The following LAMA2 variants were observed in gnomAD, a reference collection of about 807,000 sequenced individuals.
The protein encoded by LAMA2 is laminin subunit alpha-2.
LAMA2 carries 269 observed loss-of-function variants against 364.8 expected under a neutral mutation model. The observed-to-expected ratio is 0.74, with a 90% confidence interval of 0.67 to 0.82. The LOEUF is 0.82. Ranked by LOEUF, LAMA2 falls within the 40% of genes least tolerant of loss-of-function variation. The pLI is 0.00. For synonymous variants in LAMA2, 1,379 were observed against 1,370.6 expected (o/e 1.01, Z -0.14); for missense variants, 3,807 against 3,873.2 (o/e 0.98, Z 0.45).
chr6:129,325,709 T>G (rs558973823), intron 28 of LAMA2, among the ~76,000 whole-genome samples: 23 of 152,300 alleles, frequency 1.5e-4, no homozygotes, highest in Middle Eastern at 3.4e-3. Context: ...TGAGTTAACC[T>G]ACTCATTTGT....
At chr6:129,310,695 C>G (rs370724881) in intron 22 of LAMA2, among the ~76,000 whole-genome samples, 26 of 151,976 alleles carry the variant, frequency 1.7e-4, no homozygotes, top group African/African-American at 6.0e-4. Context: ...TAAGGTGTCC[C>G]GAGTACAGGT....
At chr6:129,328,137 C>T (rs1044504548) in intron 28 of LAMA2, 141 bp from the exon 29 acceptor site, 15 of 758,532 alleles carry the variant, frequency 2.0e-5, no homozygotes, top group African/African-American at 1.5e-4. Flanking sequence ...GTATCAAAAT[C>T]GGCACTTGCG....
intron 4 of LAMA2, among the ~76,000 whole-genome samples, chr6:129,140,329 A>G (rs1778051847): frequency 6.6e-6 from 1 of 152,126 alleles, no homozygotes; most frequent in South Asian, 2.1e-4. Flanking sequence ...GGTTATAAAA[A>G]GAGATGTTTC....
At position 129,049,905 on chromosome 6, in the gene LAMA2, C is replaced by A. The variant is rs766929961; in HGVS notation, c.113-13C>A. 6.2e-7 allele frequency: 1 copy of A among 1,611,636 alleles called. No homozygotes were observed. The highest frequency in any genetic ancestry group is 1.7e-5 in the Admixed American group (1 of 60,000). On this transcript the variant is annotated splice_polypyrimidine_tract_variant and intron_variant, in intron 1 of 64. Transcript: ENST00000421865. ...TTCTGGTCTACACACCTTCATTTGT[C>A]CATCTTTTTCAGGTTTATTCCCTGC...
intron 1 of LAMA2, among the ~76,000 whole-genome samples, chr6:129,027,032 G>C (rs10456975): frequency 6.6e-6 from 1 of 151,752 alleles, no homozygotes; most frequent in African/African-American, 2.4e-5. Context: ...TGGTTAAAAA[G>C]AAAAAAAGCA....
At chr6:129,381,481 G>C (rs1019489077) in intron 34 of LAMA2, among the ~76,000 whole-genome samples, 5 of 151,938 alleles carry the variant, frequency 3.3e-5, no homozygotes, top group African/African-American at 1.2e-4. Context: ...GTATGAGTAT[G>C]TGTGTGTGTA....
chr6:128,928,195 C>G (rs1779218325), intron 1 of LAMA2, among the ~76,000 whole-genome samples: 1 of 152,144 alleles, frequency 6.6e-6, no homozygotes, highest in East Asian at 1.9e-4. Flanking sequence ...ATTGGTCTCC[C>G]CATCTAATAA....
rs1782338901 is a variant in LAMA2, at chr6:129,445,792, A to T, written c.6400A>T (p.Ile2134Leu). The T allele has an allele frequency of 6.2e-7, 1 of 1,613,726 alleles. No individual in the cohort carries two copies. The highest frequency in any genetic ancestry group is 1.1e-5 in the South Asian group (1 of 91,086). ...AAACATCTCTGAGATAAAGGAATTG[A>T]TAAACCAAGCTCGGAAACAAGCCAA... ...KKNISEIKELINQARKQANSI... is the reference protein window; with the variant it reads ...KKNISEIKELLNQARKQANSI... Residue 2134 changes from isoleucine to leucine, a missense_variant, in exon 45 of 65, where the codon ATA becomes TTA. This residue lies in a region of LAMA2 where 3,333 missense variants were observed against 3,345.7 expected (regional missense o/e 1.00). Transcript: ENST00000421865.
At position 129,440,936 on chromosome 6, in the gene LAMA2, A is replaced by G. The variant is rs117884199; in HGVS notation, c.6206A>G (p.Tyr2069Cys). The change falls in exon 43 of 65, where the codon TAC becomes TGC. Residue 2069 changes from tyrosine (Y) to cysteine (C), a missense_variant. Physicochemically the swap from Tyr to Cys is radical, Grantham distance 194. Coordinates refer to ENST00000421865, the MANE Select transcript of LAMA2 (RefSeq NM_000426.4). ...HQNLDGLKKN[Y>C]NKLADSVAKT... ...AACCTCGATGGCCTGAAGAAGAATT[A>G]CAATAAACTAGCAGACAGCGTCGCC... 2.3e-4 allele frequency: 371 copies of G among 1,613,974 alleles called. 5 individuals are homozygous for G. The East Asian group carries it at 6.8e-3, about 30-fold the overall frequency.
chr6:129,042,865 A>G (rs1787203986), intron 1 of LAMA2, among the ~76,000 whole-genome samples: 1 of 152,210 alleles, frequency 6.6e-6, no homozygotes, highest in Non-Finnish European at 1.5e-5. Context: ...TTTATGTTGA[A>G]TAGTATTTCA....
At chr6:129,089,361 T>A (rs1328870159) in intron 3 of LAMA2, among the ~76,000 whole-genome samples, 2 of 152,248 alleles carry the variant, frequency 1.3e-5, no homozygotes, top group African/African-American at 2.4e-5. Flanking sequence ...TTGGAGAATG[T>A]GTAGGTTCAT....
At chr6:129,204,152 G>A (rs1782472163) in intron 12 of LAMA2, among the ~76,000 whole-genome samples, 1 of 152,134 alleles carries the variant, frequency 6.6e-6, no homozygotes, top group Non-Finnish European at 1.5e-5. Flanking sequence ...GCCTTTAATG[G>A]CAGCTTTGCA....
chr6:129,203,002 G>A (rs1177155767), intron 12 of LAMA2, among the ~76,000 whole-genome samples: 1 of 152,184 alleles, frequency 6.6e-6, no homozygotes. Context: ...GTTTTCAGCT[G>A]TAGGGCCTAA....
chr6:129,137,969 G>A (rs1254418918), intron 4 of LAMA2, among the ~76,000 whole-genome samples: 1 of 152,002 alleles, frequency 6.6e-6, no homozygotes, highest in African/African-American at 2.4e-5. Context: ...GTCCATGGAG[G>A]TATTTGTGGG....
chr6:129,196,582 A>G (rs889964425), intron 12 of LAMA2, among the ~76,000 whole-genome samples: 1 of 152,186 alleles, frequency 6.6e-6, no homozygotes, highest in African/African-American at 2.4e-5. Flanking sequence ...TGAGCAGCAT[A>G]TTTTGTGACT....
intron 13 of LAMA2, 138 bp downstream of exon 13, chr6:129,250,351 G>A: frequency 1.5e-6 from 1 of 673,266 alleles, no homozygotes; most frequent in Non-Finnish European, 2.7e-6. Context: ...AGATTTTTGT[G>A]CCACTCTTTT....
At chr6:129,222,717 C>G (rs1783950256) in intron 12 of LAMA2, among the ~76,000 whole-genome samples, 1 of 151,976 alleles carries the variant, frequency 6.6e-6, no homozygotes, top group African/African-American at 2.4e-5. Context: ...GTATACATGC[C>G]ACATTTTCTT....
chr6:129,136,479 G>T (rs1777797798), intron 4 of LAMA2, among the ~76,000 whole-genome samples: 1 of 151,334 alleles, frequency 6.6e-6, no homozygotes, highest in Non-Finnish European at 1.5e-5. Context: ...AAAAGAAAAT[G>T]TTACAGCCAA....
intron 12 of LAMA2, among the ~76,000 whole-genome samples, chr6:129,239,801 C>A (rs1785268022): frequency 6.6e-6 from 1 of 152,258 alleles, no homozygotes; most frequent in East Asian, 1.9e-4. Flanking sequence ...TAGTTGTGTG[C>A]CACTGCATCT....
Sources: gnomAD v4.1 joint callset for allele counts (sites outside exome capture counted in the v4.1 genomes callset) on GRCh38, gnomAD v4.1.1 for gene constraint, gnomAD v4.1.1 regional missense constraint, MANE v1.5 for transcripts, NCBI Gene and HGNC (gene_info 2026-07-23, HGNC 2026-07-21) for gene names.